CDH13: variants seen among roughly 807,000 people sequenced by gnomAD.
CDH13 encodes the protein cadherin 13.
Under a neutral mutation model 63.8 loss-of-function variants are expected in CDH13, and 24 were observed. That is an observed-to-expected ratio of 0.38 (90% CI 0.27 to 0.53). The LOEUF (loss-of-function observed/expected upper bound fraction) is 0.53. Ranked by LOEUF, CDH13 falls within the 20% of genes least tolerant of loss-of-function variation. The pLI is 0.85. For missense variants in CDH13, 1,049 were observed against 903.1 expected (o/e 1.16, Z -2.07); for synonymous variants, 503 against 355.3 (o/e 1.42, Z -4.67).
chr16:82,993,304 G>C (rs1911860926), intron 2 of CDH13, among the ~76,000 whole-genome samples: 1 of 151,942 alleles, frequency 6.6e-6, no homozygotes, highest in Admixed American at 6.6e-5. Context: ...CTATACTGTT[G>C]TTCTTGATTT....
chr16:82,709,751 C>A (rs2031769999), intron 1 of CDH13, among the ~76,000 whole-genome samples: 2 of 152,102 alleles, frequency 1.3e-5, no homozygotes, highest in African/African-American at 2.4e-5. Flanking sequence ...GCAGGAGCTT[C>A]CATTTAGTAT....
At chr16:82,677,676 A>G (rs1056307112) in intron 1 of CDH13, among the ~76,000 whole-genome samples, 5 of 152,154 alleles carry the variant, frequency 3.3e-5, no homozygotes, top group African/African-American at 4.8e-5. Flanking sequence ...CACAAAACAC[A>G]ATACACTATA....
chr16:82,769,941 CACAG>C (rs1335767414), intron 1 of CDH13, among the ~76,000 whole-genome samples: 1 of 152,186 alleles, frequency 6.6e-6, no homozygotes, highest in Non-Finnish European at 1.5e-5. Context: ...GTGCATACGG[CACAG>C]ACAAAGATAA....
At chr16:82,767,376 G>A (rs969273787) in intron 1 of CDH13, among the ~76,000 whole-genome samples, 6 of 152,308 alleles carry the variant, frequency 3.9e-5, no homozygotes, top group Non-Finnish European at 7.4e-5. Flanking sequence ...TCTAGAACTT[G>A]ATATAAATAG....
intron 1 of CDH13, among the ~76,000 whole-genome samples, chr16:82,657,146 T>C (rs1208845827): frequency 1.3e-5 from 2 of 151,752 alleles, no homozygotes. Context: ...CCTGAAACTA[T>C]GGATTGTACC....
intron 7 of CDH13, among the ~76,000 whole-genome samples, chr16:83,546,839 A>G (rs963863836): frequency 3.9e-5 from 6 of 152,214 alleles, no homozygotes; most frequent in African/African-American, 1.2e-4. Context: ...CCCCATGGCC[A>G]TGTCTGTCTT....
intron 1 of CDH13, among the ~76,000 whole-genome samples, chr16:82,709,885 A>C (rs1464031885): frequency 6.6e-6 from 1 of 152,130 alleles, no homozygotes; most frequent in Non-Finnish European, 1.5e-5. Flanking sequence ...AGCTGTCCAA[A>C]GAAGGAATGG....
At chr16:83,426,852 G>C (rs897539935) in intron 6 of CDH13, among the ~76,000 whole-genome samples, 2 of 147,692 alleles carry the variant, frequency 1.4e-5, no homozygotes, top group African/African-American at 5.0e-5. Flanking sequence ...TCACAGTAAT[G>C]GCCCCCCAAA....
intron 7 of CDH13, among the ~76,000 whole-genome samples, chr16:83,489,003 A>G (rs1171188297): frequency 1.3e-5 from 2 of 152,044 alleles, no homozygotes; most frequent in African/African-American, 4.8e-5. Context: ...TCTATTCCCC[A>G]CTTGACACGT....
At chr16:83,783,015 G>A (rs1290868214) in intron 12 of CDH13, among the ~76,000 whole-genome samples, 1 of 152,176 alleles carries the variant, frequency 6.6e-6, no homozygotes, top group Non-Finnish European at 1.5e-5. Context: ...CTGTCTCTGT[G>A]TTGTTCATTA....
chr16:83,089,942 C>A (rs1328897297), intron 3 of CDH13, among the ~76,000 whole-genome samples: 2 of 152,180 alleles, frequency 1.3e-5, no homozygotes, highest in African/African-American at 2.4e-5. Context: ...GAGGACCATA[C>A]TTTGCATAGC....
At chr16:83,056,409 G>C (rs578077125) in intron 3 of CDH13, among the ~76,000 whole-genome samples, 1 of 152,008 alleles carries the variant, frequency 6.6e-6, no homozygotes, top group African/African-American at 2.4e-5. Context: ...AGTCCATCAA[G>C]GGACAAATGG....
chr16:82,941,544 T>G (rs1904286960), intron 2 of CDH13, among the ~76,000 whole-genome samples: 1 of 152,188 alleles, frequency 6.6e-6, no homozygotes, highest in African/African-American at 2.4e-5. Context: ...AAAATTTACA[T>G]AAAGCATTGT....
chr16:83,465,501 G>A (rs774990413), intron 6 of CDH13, among the ~76,000 whole-genome samples: 1 of 152,132 alleles, frequency 6.6e-6, no homozygotes, highest in East Asian at 1.9e-4. Flanking sequence ...CCACTCAGCC[G>A]GTTTTATTAA....
At chr16:82,913,815 G>C (rs2041908180) in intron 2 of CDH13, among the ~76,000 whole-genome samples, 1 of 152,088 alleles carries the variant, frequency 6.6e-6, no homozygotes, top group East Asian at 1.9e-4. Flanking sequence ...AGACAGGGAG[G>C]GGAAGCCACC....
At chr16:83,033,282 A>T (rs1334109519) in intron 3 of CDH13, among the ~76,000 whole-genome samples, 1 of 152,052 alleles carries the variant, frequency 6.6e-6, no homozygotes, top group East Asian at 1.9e-4. Context: ...GTATATATGT[A>T]TATGTAATTG....
intron 2 of CDH13, among the ~76,000 whole-genome samples, chr16:82,994,021 C>A (rs1477775996): frequency 1.3e-5 from 2 of 152,184 alleles, no homozygotes; most frequent in Non-Finnish European, 2.9e-5. Flanking sequence ...GAAATGTCTT[C>A]TGCAGAGCCA....
chr16:83,106,336 G>T (rs779858994), intron 3 of CDH13, among the ~76,000 whole-genome samples: 4 of 152,080 alleles, frequency 2.6e-5, no homozygotes, highest in Non-Finnish European at 5.9e-5. Context: ...TCAGGAGTTC[G>T]AGACGAGCCT....
At chr16:83,225,103 C>T (rs751183344) in intron 5 of CDH13, among the ~76,000 whole-genome samples, 2 of 152,246 alleles carry the variant, frequency 1.3e-5, no homozygotes, top group Non-Finnish European at 2.9e-5. Context: ...CAGAAACTCT[C>T]GGGGTGGGTC....
Sources: gnomAD v4.1 joint callset for allele counts (sites outside exome capture counted in the v4.1 genomes callset) on GRCh38, gnomAD v4.1.1 for gene constraint, MANE v1.5 for transcripts, NCBI Gene and HGNC (gene_info 2026-07-23, HGNC 2026-07-21) for gene names.